Variants in PRORP observed in about 807,000 individuals in gnomAD.
PRORP encodes protein only RNase P catalytic subunit, also known as mitochondrial ribonuclease P catalytic subunit.
Under a neutral mutation model 59.4 loss-of-function variants are expected in PRORP, and 51 were observed. That is an observed-to-expected ratio of 0.86 (90% confidence interval 0.69 to 1.08). The LOEUF (loss-of-function observed/expected upper bound fraction) is 1.08. PRORP is among the 50% of genes least tolerant of loss of function. The pLI, the probability that PRORP is intolerant of heterozygous loss-of-function variation, is 0.00. For missense variants in PRORP, 646 were observed against 690.3 expected (o/e 0.94, Z 0.72); for synonymous variants, 231 against 245.6 (o/e 0.94, Z 0.55).
intron 4 of PRORP, among the ~76,000 whole-genome samples, chr14:35,160,156 A>C (rs1386711739): frequency 6.6e-6 from 1 of 152,212 alleles, no homozygotes; most frequent in African/African-American, 2.4e-5. Flanking sequence ...GCGGAGGGAA[A>C]ACCACTGATG....
intron 5 of PRORP, among the ~76,000 whole-genome samples, chr14:35,223,121 T>C (rs550081133): frequency 2.0e-5 from 3 of 152,212 alleles, no homozygotes; most frequent in African/African-American, 7.2e-5. Context: ...ACTTACAGTT[T>C]CCTTCTTGTC....
intron 5 of PRORP, among the ~76,000 whole-genome samples, chr14:35,252,273 A>C (rs2050634414): frequency 6.6e-6 from 1 of 152,050 alleles, no homozygotes; most frequent in South Asian, 2.1e-4. Context: ...AAAGAAAAAA[A>C]TTAGACGGGT....
At chr14:35,188,411 G>T (rs981948591) in intron 5 of PRORP, among the ~76,000 whole-genome samples, 1 of 150,772 alleles carries the variant, frequency 6.6e-6, no homozygotes, top group Non-Finnish European at 1.5e-5. Context: ...GGCTGGTCTC[G>T]AACTCCTGAC....
intron 4 of PRORP, among the ~76,000 whole-genome samples, chr14:35,141,208 T>C (rs1423635500): frequency 6.9e-6 from 1 of 145,414 alleles, no homozygotes; most frequent in African/African-American, 2.4e-5. Context: ...GTTAATTAGG[T>C]TTTTTTCTTA....
At chr14:35,205,777 G>GT (rs2049277692) in intron 5 of PRORP, among the ~76,000 whole-genome samples, 1 of 152,018 alleles carries the variant, frequency 6.6e-6, no homozygotes, top group South Asian at 2.1e-4. Flanking sequence ...TTGTTTGTTT[G>GT]TTTTTTCTCA....
At chr14:35,235,525 C>T in intron 5 of PRORP, 1 of 588,476 alleles carries the variant, frequency 1.7e-6, no homozygotes, top group Non-Finnish European at 3.2e-6. Flanking sequence ...GCTGAGCCTT[C>T]TTGTTCTCCT....
intron 5 of PRORP, among the ~76,000 whole-genome samples, chr14:35,200,141 C>T (rs112115417): frequency 2.2e-4 from 34 of 152,106 alleles, no homozygotes; most frequent in Non-Finnish European, 3.8e-4. Context: ...CCAAAAGCCA[C>T]GACAATTCCA....
Position 35,142,316 on chromosome 14 carries a change from C to T in PRORP, c.1167+14705C>T, listed in dbSNP as rs1225068227. Among the ~76,000 whole-genome samples, 2 of 141,300 alleles carry T rather than the reference C, an allele frequency of 1.4e-5. 1 individual carries two copies. Among genetic ancestry groups the T allele is most frequent in the Non-Finnish European group, 3.1e-5 (2 of 64,130 alleles). The allele number at this position is 141,300 out of a possible 152,430, so 92.7% of individuals were successfully genotyped here. On this transcript the variant is annotated intron_variant, in intron 4 of 7. Transcript: ENST00000534898. Reference sequence around the variant, plus strand: ...AAGTGTGAGCCACCACACCTGGAAGCTCATCCTGTAAATTATAAATTCATT... The same window carrying T: ...AAGTGTGAGCCACCACACCTGGAAGTTCATCCTGTAAATTATAAATTCATT...
At chr14:35,157,506 G>A (rs926822389) in intron 4 of PRORP, among the ~76,000 whole-genome samples, 1 of 152,160 alleles carries the variant, frequency 6.6e-6, no homozygotes, top group African/African-American at 2.4e-5. Context: ...TGTGATCAGT[G>A]AAGCTAAACT....
chr14:35,176,055 A>T (rs1244969352), intron 4 of PRORP, among the ~76,000 whole-genome samples: 1 of 152,118 alleles, frequency 6.6e-6, no homozygotes, highest in Non-Finnish European at 1.5e-5. Flanking sequence ...AGTTGTAGAT[A>T]AGCGGCATTA....
chr14:35,156,242 C>T (rs1481220965), intron 4 of PRORP, among the ~76,000 whole-genome samples: 1 of 152,148 alleles, frequency 6.6e-6, no homozygotes, highest in Non-Finnish European at 1.5e-5. Context: ...TGGGGATTTC[C>T]ACTCTTTGTT....
chr14:35,188,580 C>T (rs1017374598), intron 5 of PRORP, among the ~76,000 whole-genome samples: 5 of 151,542 alleles, frequency 3.3e-5, no homozygotes, highest in African/African-American at 1.2e-4. Flanking sequence ...ATTCTCTTTT[C>T]GGTGTTTTGA....
chr14:35,235,687 C>G (rs748899770), intron 5 of PRORP: 6 of 356,024 alleles, frequency 1.7e-5, no homozygotes, highest in African/African-American at 6.4e-5. Flanking sequence ...TTCTGTAGAC[C>G]AAGCAAAAGT....
rs551586010 is a variant in PRORP, at chr14:35,243,527, C to T, written c.1276-23200C>T. ...CTCCAGTCTGGGTGACAGAGTGAGA[C>T]CATGTCTAAAAAAAAAAAAAAGAAT... On this transcript the variant is annotated intron_variant, in intron 5 of 7. Transcript: ENST00000534898. 2.1e-5 allele frequency among the ~76,000 whole-genome samples: 3 copies of T among 143,332 alleles called. No individual in the cohort carries two copies. In the East Asian group the frequency reaches 6.0e-4, roughly 29 times the overall value. 94.0% of individuals were successfully genotyped at this position (143,332 alleles called of 152,430 possible).
At chr14:35,223,394 G>A (rs904568650) in intron 5 of PRORP, among the ~76,000 whole-genome samples, 5 of 151,452 alleles carry the variant, frequency 3.3e-5, no homozygotes, top group African/African-American at 9.7e-5. Flanking sequence ...TACTAATGTC[G>A]TGAGCCGTAG....
chr14:35,189,313 T>A (rs1412130105), intron 5 of PRORP, among the ~76,000 whole-genome samples: 2 of 152,138 alleles, frequency 1.3e-5, no homozygotes, highest in African/African-American at 2.4e-5. Flanking sequence ...GCTCAAGTGA[T>A]CCGCCTGCTT....
intron 5 of PRORP, among the ~76,000 whole-genome samples, chr14:35,231,815 A>G: frequency 6.6e-6 from 1 of 152,362 alleles, no homozygotes; most frequent in East Asian, 1.9e-4. Context: ...GTTGTAAAGT[A>G]TAGGTTTATT....
At chr14:35,137,575 A>T (rs2047401776) in intron 4 of PRORP, among the ~76,000 whole-genome samples, 1 of 145,248 alleles carries the variant, frequency 6.9e-6, no homozygotes, top group African/African-American at 2.4e-5. Context: ...TCAAGATGCT[A>T]ACTCAAGGCA....
chr14:35,223,916 A>C, intron 5 of PRORP, among the ~76,000 whole-genome samples: 1 of 152,342 alleles, frequency 6.6e-6, no homozygotes, highest in African/African-American at 2.4e-5. Flanking sequence ...CAGCACCTCT[A>C]GTACCTCTGT....
Sources: allele counts gnomAD v4.1 joint callset (sites outside exome capture counted in the v4.1 genomes callset), GRCh38; gene constraint gnomAD v4.1.1; transcripts MANE v1.5; gene names NCBI Gene and HGNC (gene_info 2026-07-23, HGNC 2026-07-21).